PXK: variants seen among roughly 807,000 people sequenced by gnomAD.
The protein encoded by PXK is PX domain-containing protein kinase-like protein.
A neutral mutation model predicts 84.7 loss-of-function variants in PXK; 35 were observed. That is an observed-to-expected ratio of 0.41 (90% CI 0.32 to 0.55). The LOEUF is 0.55. PXK is among the 20% of genes least tolerant of loss of function. PXK has a pLI of 0.21. For missense variants in PXK, 634 were observed against 699.7 expected, an observed-to-expected ratio of 0.91 and a Z score of 1.06; for synonymous variants, 253 against 260.8, an observed-to-expected ratio of 0.97 and a Z score of 0.29.
intron 1 of PXK, among the ~76,000 whole-genome samples, chr3:58,355,722 C>T (rs1017795273): frequency 2.0e-5 from 3 of 152,332 alleles, no homozygotes; most frequent in South Asian, 2.1e-4. Flanking sequence ...GTGGGAATAA[C>T]AGCCCCCACC....
chr3:58,387,813 G>A (rs988359056), intron 4 of PXK, among the ~76,000 whole-genome samples: 1 of 152,228 alleles, frequency 6.6e-6, no homozygotes, highest in South Asian at 2.1e-4. Context: ...GAAGGAGAGA[G>A]GGAGAGAGTC....
chr3:58,334,005 C>G (rs534588948), intron 1 of PXK, among the ~76,000 whole-genome samples: 2 of 151,972 alleles, frequency 1.3e-5, no homozygotes, highest in East Asian at 3.8e-4. Context: ...GAGAGAGATT[C>G]CTTCAATTGT....
chr3:58,395,616 C>T (rs1343992281), intron 8 of PXK, 42 bp from the exon 9 acceptor site: 1 of 1,457,438 alleles, frequency 6.9e-7, no homozygotes, highest in South Asian at 1.2e-5. Context: ...AGATATTGGC[C>T]CCTCTGCTGC....
In PXK at chr3:58,416,579, G is replaced by C. The variant is rs1038002414; in HGVS notation, c.1528+3616G>C. ...TACATAGGCTTGCTCTGCCTTCAAG[G>C]CCTCTGCAGAGTGAGAGCAGGAGGA... On this transcript the variant is annotated intron_variant, in intron 17 of 17. Transcript: ENST00000356151. The surrounding 1 kb of genome is among the most constrained non-coding windows in gnomAD (Gnocchi z 4.8). Among the ~76,000 whole-genome samples, 6 of 102,762 alleles carry C rather than the reference G, an allele frequency of 5.8e-5. No individual in the cohort carries two copies. Among genetic ancestry groups the C allele is most frequent in the African/African-American group, 2.0e-4 (6 of 29,290 alleles). The allele number at this position is 102,762 out of a possible 152,430, so 67.4% of individuals were successfully genotyped here.
chr3:58,350,078 C>T (rs781238123), intron 1 of PXK, among the ~76,000 whole-genome samples: 18 of 152,158 alleles, frequency 1.2e-4, no homozygotes, highest in Non-Finnish European at 2.5e-4. Flanking sequence ...GACCCTGTTC[C>T]GTTTTTGTAC....
chr3:58,369,588 G>T, intron 3 of PXK, 110 bp downstream of exon 3: 1 of 776,222 alleles, frequency 1.3e-6, no homozygotes. Flanking sequence ...CACTTGGGGA[G>T]GCCAATGCGG....
At chr3:58,376,229 A>T (rs1330370412) in intron 3 of PXK, among the ~76,000 whole-genome samples, 2 of 152,200 alleles carry the variant, frequency 1.3e-5, no homozygotes, top group Non-Finnish European at 2.9e-5. Context: ...AGCCTGGCCA[A>T]CATGGTGAAA....
At chr3:58,336,071 ATTTTTTT>A (rs1171021563) in intron 1 of PXK, among the ~76,000 whole-genome samples, 12 of 51,580 alleles carry the variant, frequency 2.3e-4, no homozygotes, top group South Asian at 6.3e-4. Flanking sequence ...ATATATATAT[ATTTTTTT>A]TTTTTTTTTT....
In PXK at chr3:58,355,090, C is replaced by T. The variant is rs570543907; in HGVS notation, c.103-10784C>T. Reference sequence around the variant, plus strand: ...CAGTGAGCCAAGATTGTGAATTTTACTCCAGCCTGGGCAACAAAGTGAGAC... The same window carrying T: ...CAGTGAGCCAAGATTGTGAATTTTATTCCAGCCTGGGCAACAAAGTGAGAC... On this transcript the variant is annotated intron_variant, in intron 1 of 17. Coordinates refer to ENST00000356151, the MANE Select transcript of PXK (RefSeq NM_017771.5). Among the ~76,000 whole-genome samples the T allele has an allele frequency of 7.9e-5, 12 of 151,330 alleles. No homozygotes were observed. In the South Asian group the frequency reaches 2.5e-3, roughly 32 times the overall value.
Position 58,425,505 on chromosome 3 carries a change from T to A in PXK, c.*545T>A, listed in dbSNP as rs1309259193. On this transcript the variant is annotated 3_prime_UTR_variant, in exon 18 of 18. Transcript: ENST00000356151. ...AGCAACTGAGTTCTTTGTTTTCTCC[T>A]CAAATAGAATGGGGAACGTTCACAA... The A allele has an allele frequency of 6.4e-6, 1 of 155,468 alleles. No individual in the cohort carries two copies. The highest frequency in any genetic ancestry group is 1.4e-5 in the Non-Finnish European group (1 of 70,244). The allele number at this position is 155,468 out of a possible 1,614,324, so 9.6% of individuals were successfully genotyped here.
chr3:58,389,942 T>G (rs1241263270), intron 4 of PXK, among the ~76,000 whole-genome samples: 5 of 130,834 alleles, frequency 3.8e-5, no homozygotes, highest in Non-Finnish European at 7.6e-5. Context: ...GAGGTTGCGG[T>G]GAGCCGAGAT....
intron 13 of PXK, among the ~76,000 whole-genome samples, chr3:58,404,929 G>GA (rs11447785): frequency 0.24 from 36,257 of 151,958 alleles, 6,033 homozygotes; most frequent in East Asian, 0.8. Flanking sequence ...AAGTAGGAGA[G>GA]AAAAAAACAT....
At position 58,333,876 on chromosome 3, in the gene PXK, CTTT is replaced by C. The variant is rs34649995; in HGVS notation, c.102+797_102+799del. On this transcript the variant is annotated intron_variant, in intron 1 of 17. Coordinates refer to ENST00000356151, the MANE Select transcript of PXK (RefSeq NM_017771.5). This position sits in a 1 kb window ranked among gnomAD's most constrained non-coding sequence, Gnocchi z 5.4. ...CGTGGTTGTTTTCATTTGCTTGTACCTTTTTTTTTTTTTGAAAGGCCCACTATG... is the reference window on the plus strand; with the variant it reads ...CGTGGTTGTTTTCATTTGCTTGTACCTTTTTTTTTTGAAAGGCCCACTATG... 1.5e-4 allele frequency among the ~76,000 whole-genome samples: 22 copies of C among 144,438 alleles called. No homozygotes were observed. The highest frequency in any genetic ancestry group is 5.5e-4 in the African/African-American group (22 of 39,672). 94.8% of individuals were successfully genotyped at this position (144,438 alleles called of 152,430 possible).
At position 58,425,218 on chromosome 3, in the gene PXK, G is replaced by T; in HGVS notation, c.*258G>T. The T allele has an allele frequency of 2.3e-6, 1 of 431,334 alleles. No individual in the cohort carries two copies. The highest frequency in any genetic ancestry group is 4.0e-5 in the Admixed American group (1 of 24,908). The allele number at this position is 431,334 out of a possible 1,614,324, so 26.7% of individuals were successfully genotyped here. ...AGTCTTGTTTATCCTCTAATGGCCA[G>T]GCTTTTGGGACAGCAGCATATTGAA... On this transcript the variant is annotated 3_prime_UTR_variant, in exon 18 of 18. Transcript: ENST00000356151.
rs1343059099 is a variant in PXK at position 58,421,300 on chromosome 3, A to C, written c.1529-3452A>C. Reference sequence around the variant, plus strand: ...GGGCCTAAGAGTCGGTGGGGAAGGGAGCCAGGCGCAGTGGCTCACATCTAT... The same window carrying C: ...GGGCCTAAGAGTCGGTGGGGAAGGGCGCCAGGCGCAGTGGCTCACATCTAT... On this transcript the variant is annotated intron_variant, in intron 17 of 17. Transcript: ENST00000356151. The surrounding 1 kb of genome is among the most constrained non-coding windows in gnomAD (Gnocchi z 5.5). 1.0e-6 allele frequency: 1 copy of C among 985,146 alleles called. No individual in the cohort carries two copies. The highest frequency in any genetic ancestry group is 1.7e-5 in the African/African-American group (1 of 57,210). 61.0% of individuals were successfully genotyped at this position (985,146 alleles called of 1,614,324 possible). A position where few individuals can be genotyped will look rare whatever the true frequency, so the allele number is the denominator to read the frequency against.
At chr3:58,340,109 CGCCTG>C (rs1559847208) in intron 1 of PXK, among the ~76,000 whole-genome samples, 3 of 147,744 alleles carry the variant, frequency 2.0e-5, no homozygotes, top group Non-Finnish European at 4.5e-5. Context: ...CCAGCCACTG[CGCCTG>C]GCCGATTTTT....
rs1241364877 is a variant in PXK at position 58,333,584 on chromosome 3, A to C, written c.102+494A>C. The C allele has an allele frequency of 2.2e-6, 1 of 456,624 alleles. No homozygotes were observed. Among genetic ancestry groups the C allele is most frequent in the East Asian group, 6.9e-5 (1 of 14,396 alleles). The allele number at this position is 456,624 out of a possible 1,614,324, so 28.3% of individuals were successfully genotyped here. On this transcript the variant is annotated intron_variant, in intron 1 of 17. Transcript: ENST00000356151. The surrounding 1 kb of genome is among the most constrained non-coding windows in gnomAD (Gnocchi z 5.4). ...GACTCCAGAGCCTACTTGTTGGGACAGCAGAGTGTAAGTGGCTGGGGTCTG... is the reference window on the plus strand; with the variant it reads ...GACTCCAGAGCCTACTTGTTGGGACCGCAGAGTGTAAGTGGCTGGGGTCTG...
At position 58,333,688 on chromosome 3, in the gene PXK, G is replaced by A. The variant is rs1267185461; in HGVS notation, c.102+598G>A. ...CGGCAGTCGGGGCGCTGTTAAGCAGGTGTATGAATGTGCTTCTCTAACTTG... is the reference window on the plus strand; with the variant it reads ...CGGCAGTCGGGGCGCTGTTAAGCAGATGTATGAATGTGCTTCTCTAACTTG... On this transcript the variant is annotated intron_variant, in intron 1 of 17. Coordinates refer to ENST00000356151, the MANE Select transcript of PXK (RefSeq NM_017771.5). The surrounding 1 kb of genome is among the most constrained non-coding windows in gnomAD (Gnocchi z 5.4). 4.4e-6 allele frequency: 2 copies of A among 455,226 alleles called. No homozygotes were observed. Among genetic ancestry groups the A allele is most frequent in the Admixed American group, 2.4e-5 (1 of 42,382 alleles). The allele number at this position is 455,226 out of a possible 1,614,324, so 28.2% of individuals were successfully genotyped here. A position where few individuals can be genotyped will look rare whatever the true frequency, so the allele number is the denominator to read the frequency against.
At chr3:58,336,071 A>ATATATAT (rs1284780630) in intron 1 of PXK, among the ~76,000 whole-genome samples, 61 of 51,562 alleles carry the variant, frequency 1.2e-3, no homozygotes, top group African/African-American at 1.3e-3. Flanking sequence ...ATATATATAT[A>ATATATAT]TTTTTTTTTT....
Sources: allele counts gnomAD v4.1 joint callset (sites outside exome capture counted in the v4.1 genomes callset), GRCh38; gene constraint gnomAD v4.1.1; non-coding constraint Gnocchi (gnomAD v3.1); transcripts MANE v1.5; gene names NCBI Gene and HGNC (gene_info 2026-07-23, HGNC 2026-07-21).